Variants in QARS1 observed in about 807,000 individuals in gnomAD.
QARS1 encodes glutamine--tRNA ligase.
Under a neutral mutation model 106.9 loss-of-function variants are expected in QARS1, and 79 were observed. The ratio of observed to expected loss-of-function variants is 0.74; its 90% CI spans 0.62 to 0.89. The LOEUF (loss-of-function observed/expected upper bound fraction) is 0.89. Among genes scored for constraint, QARS1 ranks in the 40% least tolerant of loss-of-function variants. QARS1 has a pLI of 0.00. For missense variants in QARS1, 966 were observed against 997.2 expected (o/e 0.97, Z 0.42); for synonymous variants, 395 against 367.7 (o/e 1.07, Z -0.85).
At position 49,098,912 on chromosome 3, in the gene QARS1, G is replaced by C; in HGVS notation, c.1836C>G (p.Val612=). 1.9e-6 allele frequency: 3 copies of C among 1,613,934 alleles called. No individual in the cohort carries two copies. The highest frequency in any genetic ancestry group is 2.5e-6 in the Non-Finnish European group (3 of 1,179,828). The part of the protein sequence containing the change: ...GFHQVPFAPI[V]FIERTDFKEE... The stretch of plus-strand genomic sequence containing the variant: ...CCTTGAAGTCAGTCCTCTCAATGAA[G>C]ACAATGGGTGCAAAGGGAACCTGAT... The change falls in exon 19 of 24, where the codon GTC becomes GTG. Residue 612 remains valine, a synonymous_variant. Coordinates refer to ENST00000306125, the MANE Select transcript of QARS1 (RefSeq NM_005051.3).
Position 49,099,827 on chromosome 3 carries a change from G to T in QARS1, c.1322C>A (p.Thr441Lys). Residue 441 changes from threonine (T) to lysine (K), a missense_variant, in exon 15 of 24, where the codon ACA becomes AAA. Physicochemically the swap from Thr to Lys is moderately conservative, Grantham distance 78. Coordinates refer to ENST00000306125, the MANE Select transcript of QARS1 (RefSeq NM_005051.3). ...KWCIYPTYDY[T>K]HCLCDSIEHI... ...CTCGATGGAGTCACAGAGGCAGTGT[G>T]TGTAGTCGTAGGTGGGATAGATGCA... 1 of 1,614,046 alleles carries T rather than the reference G, an allele frequency of 6.2e-7. No individual in the cohort carries two copies. The highest frequency in any genetic ancestry group is 2.2e-5 in the East Asian group (1 of 44,886).
rs2042471942 is a variant in QARS1, at chr3:49,101,607, C to T, written c.789+13G>A. 2.5e-6 allele frequency: 4 copies of T among 1,613,256 alleles called. No individual in the cohort carries two copies. Among genetic ancestry groups the T allele is most frequent in the African/African-American group, 1.3e-5 (1 of 75,024 alleles). On this transcript the variant is annotated intron_variant, in intron 9 of 23. Coordinates refer to ENST00000306125, the MANE Select transcript of QARS1 (RefSeq NM_005051.3). ...TTGATGGCACAAGCTCACATGGCCA[C>T]ATCCCCACACACCTGCCCACCAGTA...
chr3:49,096,111 A>T, intron 23 of QARS1, 32 bp from the exon 24 acceptor site: 1 of 1,611,702 alleles, frequency 6.2e-7, no homozygotes, highest in Non-Finnish European at 8.5e-7. Flanking sequence ...ATGACCACCA[A>T]CCCAGAACAA....
At position 49,104,455 on chromosome 3, in the gene QARS1, C is replaced by T; in HGVS notation, c.134G>A (p.Gly45Asp). ...EAATQAQQTLGSTIDKATGIL... is the reference protein window; with the variant it reads ...EAATQAQQTLDSTIDKATGIL... ...CCCGGTAGCTTTGTCAATGGTGGAA[C>T]CCAGGGTCTGCTGAGCCTGAGGTCA... The change falls in exon 2 of 24, where the codon GGT (glycine) becomes GAT (aspartate). Residue 45 changes from glycine to aspartate, a missense_variant. Coordinates refer to ENST00000306125, the MANE Select transcript of QARS1 (RefSeq NM_005051.3). 6.2e-7 allele frequency: 1 copy of T among 1,614,126 alleles called. No individual in the cohort carries two copies. The highest frequency in any genetic ancestry group is 1.1e-5 in the South Asian group (1 of 91,082).
At chr3:49,096,798 CAAAAAAAAAAAAAAAAAAAAAA>C (rs770587253) in intron 23 of QARS1, among the ~76,000 whole-genome samples, 5 of 14,158 alleles carry the variant, frequency 3.5e-4, no homozygotes, top group Middle Eastern at 0.062. Flanking sequence ...GACTCCGTCT[CAAAAAAAAAAAAAAAAAAAAAA>C]AAAAAAAAAA....
rs748351582 is a variant in QARS1 at position 49,098,019 on chromosome 3, G to T, written c.2250C>A (p.Ser750=). Residue 750 remains serine, a synonymous_variant, in exon 23 of 24, where the codon TCC becomes TCA. Coordinates refer to ENST00000306125, the MANE Select transcript of QARS1 (RefSeq NM_005051.3). ...KFQFERLGYF[S]VDPDSHQGKL... ...TTCCCTGATGGCTGTCTGGATCCAC[G>T]GAGAAATATCCAAGACGCTCAAACT... 1.2e-6 allele frequency: 2 copies of T among 1,614,026 alleles called. No individual in the cohort carries two copies. The highest frequency in any genetic ancestry group is 3.3e-5 in the Admixed American group (2 of 60,004).
chr3:49,100,789 A>G, intron 10 of QARS1, 115 bp from the exon 11 acceptor site: 1 of 895,632 alleles, frequency 1.1e-6, no homozygotes. Context: ...TTTTTTTTTG[A>G]GATGGAGTCT....
rs2042480697 is a variant in QARS1 at position 49,102,224 on chromosome 3, T to G, written c.612A>C (p.Ala204=). 1 of 1,614,208 alleles carries G rather than the reference T, an allele frequency of 6.2e-7. No homozygotes were observed. ...ARLEETDRRT[A]KDVVENGETA... is the part of the protein sequence containing the mutation. ...TCTCACCATTCTCCACCACATCCTT[T>G]GCCGTCCTCCGGTCTGTTTCTTCTA... The change falls in exon 7 of 24, where the codon GCA becomes GCC. Residue 204 remains alanine, a synonymous_variant. Coordinates refer to ENST00000306125, the MANE Select transcript of QARS1 (RefSeq NM_005051.3).
At chr3:49,096,836 T>A (rs1411912864) in intron 23 of QARS1, among the ~76,000 whole-genome samples, 32 of 43,550 alleles carry the variant, frequency 7.3e-4, no homozygotes, top group South Asian at 2.9e-3. Context: ...AAAAAAAAAA[T>A]TTGCCGGGCG....
chr3:49,103,623 C>T lies in QARS1; in HGVS notation c.451+8G>A, dbSNP rs1193661317. On this transcript the variant is annotated splice_region_variant and intron_variant, in intron 4 of 23. Transcript: ENST00000306125. The stretch of plus-strand genomic sequence containing the variant: ...GAACAATATAGCCCCGTTCCAGGCC[C>T]TGCTCACCCATCAGCAGCCCCATGT... The T allele has an allele frequency of 2.5e-6, 4 of 1,613,106 alleles. No individual in the cohort carries two copies. Among genetic ancestry groups the T allele is most frequent in the Non-Finnish European group, 8.5e-7 (1 of 1,179,580 alleles).
Position 49,099,621 on chromosome 3 carries a change from T to C in QARS1, c.1415A>G (p.Asn472Ser). The change falls in exon 16 of 24, where the codon AAT (asparagine) becomes AGT (serine). Residue 472 changes from asparagine (N) to serine (S), a missense_variant. Asn to Ser is a conservative substitution (Grantham distance 46). Transcript: ENST00000306125. ...ARRSSYFWLCNALDVYCPVQW... is the reference protein window; with the variant it reads ...ARRSSYFWLCSALDVYCPVQW... Reference sequence around the variant, plus strand: ...CACAGGGCAATAGACGTCCAGTGCATTGCAAAGCCAGAAGTAGGAAGAGCG... The same window carrying C: ...CACAGGGCAATAGACGTCCAGTGCACTGCAAAGCCAGAAGTAGGAAGAGCG... 1 of 1,614,054 alleles carries C rather than the reference T, an allele frequency of 6.2e-7. No homozygotes were observed. Among genetic ancestry groups the C allele is most frequent in the Non-Finnish European group, 8.5e-7 (1 of 1,179,954 alleles).
Position 49,098,132 on chromosome 3 carries a change from C to G in QARS1, c.2152-15G>C. ...TGTAGTGATGCCTGCAGGCAGGGAA[C>G]TCAGGCAACCATCCAACCAGGGAGG... is the stretch of plus-strand genomic sequence containing the variant. On this transcript the variant is annotated splice_polypyrimidine_tract_variant and intron_variant, in intron 22 of 23. Coordinates refer to ENST00000306125, the MANE Select transcript of QARS1 (RefSeq NM_005051.3). 6.2e-7 allele frequency: 1 copy of G among 1,614,218 alleles called. No individual in the cohort carries two copies. Among genetic ancestry groups the G allele is most frequent in the Non-Finnish European group, 8.5e-7 (1 of 1,180,048 alleles).
chr3:49,101,765 G>T, intron 8 of QARS1, 60 bp from the exon 9 acceptor site: 2 of 1,610,366 alleles, frequency 1.2e-6, no homozygotes, highest in South Asian at 1.1e-5. Flanking sequence ...GACCCCAGGG[G>T]CCTGACTATA....
intron 15 of QARS1, 23 bp from the exon 16 acceptor site, chr3:49,099,670 G>A: frequency 6.2e-7 from 1 of 1,612,904 alleles, no homozygotes; most frequent in South Asian, 1.1e-5. Context: ...AGTAGGGTTA[G>A]CACTGGCCAG....
Position 49,098,463 on chromosome 3 carries a change from T to C in QARS1, c.1974A>G (p.Val658=). The C allele has an allele frequency of 1.9e-6, 3 of 1,614,192 alleles. No homozygotes were observed. The highest frequency in any genetic ancestry group is 1.1e-5 in the South Asian group (1 of 91,092). ...GTCTGCAGGTCACCTCCAGACTCTC[T>C]ACACAACCACTGGGGCCCTGGAAGT... ...QHVVKGPSGC[V]ESLEVTCRRA... The change falls in exon 21 of 24, where the codon GTA becomes GTG. Residue 658 remains valine (V), a synonymous_variant. Transcript: ENST00000306125.
chr3:49,102,015 G>C, intron 7 of QARS1, 116 bp from the exon 8 acceptor site: 1 of 1,326,824 alleles, frequency 7.5e-7, no homozygotes, highest in African/African-American at 1.5e-5. Flanking sequence ...GATATCTAGA[G>C]CCAGACATCT....
intron 18 of QARS1, 27 bp downstream of exon 18, chr3:49,099,081 ATG>A (rs903609378): frequency 1.2e-6 from 2 of 1,612,662 alleles, no homozygotes; most frequent in Non-Finnish European, 1.7e-6. Context: ...ACACACACAC[ATG>A]TGACACACAT....
chr3:49,102,506 GTA>G, intron 5 of QARS1, 34 bp from the exon 6 acceptor site: 1 of 1,612,548 alleles, frequency 6.2e-7, no homozygotes, highest in Non-Finnish European at 8.5e-7. Context: ...AGAGGCAGGA[GTA>G]TCCTCTTTCA....
In QARS1 at chr3:49,099,197, C is replaced by A. The variant is rs115671018; in HGVS notation, c.1671G>T (p.Val557=). 866 of 1,614,210 alleles carry A rather than the reference C, an allele frequency of 5.4e-4. 6 individuals are homozygous for A. In the African/African-American group the frequency reaches 0.011, roughly 20 times the overall value. ...GGGCTGTGTCATTCAGCACATCACG[C>A]ACACAGGCTTCTAGAAGATGTGGCT... ...TMEPHLLEAC[V]RDVLNDTAPR... The change falls in exon 18 of 24, where the codon GTG becomes GTT. Residue 557 remains valine, a synonymous_variant. Transcript: ENST00000306125.
Sources: gnomAD v4.1 joint callset for allele counts (sites outside exome capture counted in the v4.1 genomes callset) on GRCh38, gnomAD v4.1.1 for gene constraint, MANE v1.5 for transcripts, NCBI Gene and HGNC (gene_info 2026-07-23, HGNC 2026-07-21) for gene names.